Variants in PCDH15 observed in about 807,000 individuals in gnomAD.
PCDH15 encodes protocadherin-15.
Under a neutral mutation model 178.5 loss-of-function variants are expected in PCDH15, and 129 were observed. The observed-to-expected ratio is 0.72, with a 90% CI of 0.63 to 0.84. The LOEUF is 0.84. PCDH15 is among the 40% of genes least tolerant of loss of function. PCDH15 has a pLI of 0.00. For synonymous variants in PCDH15, 800 were observed against 732.0 expected, an observed-to-expected ratio of 1.09 and a Z score of -1.50; for missense variants, 2,230 against 2,099.9, an observed-to-expected ratio of 1.06 and a Z score of -1.21.
At chr10:54,189,918 CATGTGT>C (rs750386170) in intron 11 of PCDH15, among the ~76,000 whole-genome samples, 8,449 of 81,940 alleles carry the variant, frequency 0.1, 274 homozygotes, top group East Asian at 0.23. Context: ...TGTATACATG[CATGTGT>C]ATGTGTGTGT....
intron 19 of PCDH15, among the ~76,000 whole-genome samples, chr10:54,022,402 ACT>A (rs1461967068): frequency 4.6e-5 from 7 of 151,964 alleles, no homozygotes; most frequent in African/African-American, 1.7e-4. Flanking sequence ...CCAATTTGTA[ACT>A]CTCTATATTT....
intron 1 of PCDH15, among the ~76,000 whole-genome samples, chr10:54,698,122 G>C (rs1257865254): frequency 6.6e-6 from 1 of 152,046 alleles, no homozygotes; most frequent in Non-Finnish European, 1.5e-5. Context: ...CCTACAGAAA[G>C]GGAAAATCAT....
intron 2 of PCDH15, among the ~76,000 whole-genome samples, chr10:55,123,948 T>C (rs893171996): frequency 6.6e-6 from 1 of 152,128 alleles, no homozygotes; most frequent in Non-Finnish European, 1.5e-5. Context: ...ACATGGGGCC[T>C]GAAGCAGGCT....
chr10:55,090,244 T>C (rs1477631944), intron 2 of PCDH15, among the ~76,000 whole-genome samples: 2 of 152,064 alleles, frequency 1.3e-5, no homozygotes, highest in African/African-American at 2.4e-5. Context: ...TTTTTATTAG[T>C]TACTGGGGTC....
chr10:53,973,318 C>T (rs958505454), intron 21 of PCDH15, among the ~76,000 whole-genome samples: 2 of 150,672 alleles, frequency 1.3e-5, no homozygotes, highest in Non-Finnish European at 3.0e-5. Context: ...GGAGGGATAG[C>T]ATTAGGAGAT....
intron 1 of PCDH15, among the ~76,000 whole-genome samples, chr10:55,205,992 C>T (rs988686714): frequency 6.6e-5 from 10 of 151,850 alleles, no homozygotes; most frequent in African/African-American, 2.4e-4. Context: ...TTCACTATCA[C>T]GAGAACAGCA....
chr10:54,766,516 A>T (rs2133209871), intron 1 of PCDH15, among the ~76,000 whole-genome samples: 1 of 151,802 alleles, frequency 6.6e-6, no homozygotes, highest in African/African-American at 2.4e-5. Context: ...ATAAATTTAT[A>T]TTCCCCAGGT....
At chr10:54,616,425 T>G (rs1437499279) in intron 2 of PCDH15, among the ~76,000 whole-genome samples, 1 of 152,224 alleles carries the variant, frequency 6.6e-6, no homozygotes, top group East Asian at 1.9e-4. Flanking sequence ...TAATTTTTCA[T>G]CTGTTTGGGG....
intron 2 of PCDH15, among the ~76,000 whole-genome samples, chr10:55,618,145 T>C (rs1472528363): frequency 6.6e-6 from 1 of 152,084 alleles, no homozygotes; most frequent in East Asian, 1.9e-4. Flanking sequence ...CATTGCTGTT[T>C]ATTAAATTAT....
rs186297522 is a variant in PCDH15, at chr10:55,203,007, C to T, written c.-155-36356G>A. Among the ~76,000 whole-genome samples the T allele has an allele frequency of 2.4e-4, 36 of 152,214 alleles. 1 individual carries two copies. Among genetic ancestry groups the T allele is most frequent in the African/African-American group, 7.9e-4 (33 of 41,510 alleles). On this transcript the variant is annotated intron_variant, in intron 1 of 5. Transcript: ENST00000458638. Reference sequence around the variant, plus strand: ...GTGTGAAAACACATACTTAACAATGCTTCTAGTTCCTTACAATACCATCAA... The same window carrying T: ...GTGTGAAAACACATACTTAACAATGTTTCTAGTTCCTTACAATACCATCAA...
intron 2 of PCDH15, among the ~76,000 whole-genome samples, chr10:55,333,123 T>C (rs1464737763): frequency 6.6e-6 from 1 of 152,188 alleles, no homozygotes; most frequent in Non-Finnish European, 1.5e-5. Flanking sequence ...TTGGAGTGTA[T>C]AAATTATGCT....
chr10:55,141,579 T>A (rs1363248146), intron 2 of PCDH15, among the ~76,000 whole-genome samples: 1 of 152,128 alleles, frequency 6.6e-6, no homozygotes, highest in Non-Finnish European at 1.5e-5. Flanking sequence ...ATGACAATGC[T>A]AGATATCATT....
intron 2 of PCDH15, among the ~76,000 whole-genome samples, chr10:55,341,801 ATATATTTTT>A (rs1844597865): frequency 8.8e-5 from 1 of 11,390 alleles, no homozygotes; most frequent in African/African-American, 4.1e-4. Context: ...ATATATATAT[ATATATTTTT>A]TTTTTTTTTT....
At chr10:55,051,145 G>T (rs1047537321) in intron 2 of PCDH15, among the ~76,000 whole-genome samples, 18 of 151,906 alleles carry the variant, frequency 1.2e-4, no homozygotes, top group African/African-American at 4.1e-4. Flanking sequence ...CTGTGATTGA[G>T]GGTCACCTTT....
intron 1 of PCDH15, among the ~76,000 whole-genome samples, chr10:54,758,086 G>A (rs1947399502): frequency 6.6e-6 from 1 of 151,964 alleles, no homozygotes; most frequent in African/African-American, 2.4e-5. Flanking sequence ...ATATGCTTTT[G>A]GTATAAATTT....
intron 2 of PCDH15, among the ~76,000 whole-genome samples, chr10:55,482,981 C>A (rs1457226212): frequency 6.6e-6 from 1 of 151,584 alleles, no homozygotes; most frequent in African/African-American, 2.4e-5. Flanking sequence ...ATATGCAGAG[C>A]AATGAAAATG....
At chr10:54,294,342 A>G (rs778956363) in intron 8 of PCDH15, among the ~76,000 whole-genome samples, 1 of 152,102 alleles carries the variant, frequency 6.6e-6, no homozygotes, top group Non-Finnish European at 1.5e-5. Context: ...AAGGGATAGC[A>G]TTGGGAGAAT....
intron 1 of PCDH15, among the ~76,000 whole-genome samples, chr10:55,182,577 T>A (rs1839680259): frequency 6.6e-6 from 1 of 151,992 alleles, no homozygotes; most frequent in Non-Finnish European, 1.5e-5. Flanking sequence ...TAGCCTATGT[T>A]GTTAGATTAA....
At chr10:54,099,029 G>T (rs890548407) in intron 15 of PCDH15, among the ~76,000 whole-genome samples, 1 of 152,108 alleles carries the variant, frequency 6.6e-6, no homozygotes, top group Non-Finnish European at 1.5e-5. Flanking sequence ...TTTTCTCAAA[G>T]CTTTCCTCAG....
Sources: gnomAD v4.1 joint callset for allele counts (sites outside exome capture counted in the v4.1 genomes callset) on GRCh38, gnomAD v4.1.1 for gene constraint, MANE v1.5 for transcripts, NCBI Gene and HGNC (gene_info 2026-07-23, HGNC 2026-07-21) for gene names.